PAN3: variants seen among roughly 807,000 people sequenced by gnomAD.
PAN3 encodes the protein poly(A) specific ribonuclease subunit PAN3, also known as PAN2-PAN3 deadenylation complex subunit PAN3.
Under a neutral mutation model 96.2 loss-of-function variants are expected in PAN3, and 19 were observed. The observed-to-expected ratio is 0.20, with a 90% CI of 0.14 to 0.29. PAN3 has a LOEUF of 0.29. Among genes scored for constraint, PAN3 ranks in the 10% least tolerant of loss-of-function variants. The probability of loss-of-function intolerance (pLI) is 1.00; values close to 1 mark genes in which losing one functional copy is unlikely to be tolerated. For missense variants in PAN3, 882 were observed against 1,108.1 expected (o/e 0.80, Z 2.90); for synonymous variants, 433 against 406.6 (o/e 1.06, Z -0.78).
Position 28,271,995 on chromosome 13 carries a change from G to A in PAN3, c.1973G>A (p.Cys658Tyr). The change falls in exon 14 of 19, where the codon TGT becomes TAT. Residue 658 changes from cysteine to tyrosine, a missense_variant. Transcript: ENST00000380958. The stretch of plus-strand genomic sequence containing the variant: ...GGTCCTTAAAGGTTGCGAGTAAATT[G>A]TGTTGGAGTTTTTGATGTTTTAACA... ...ITGKTRLRVN[C>Y]VGVFDVLTFD... 1 of 1,580,082 alleles carries A rather than the reference G, an allele frequency of 6.3e-7. No homozygotes were observed. Among genetic ancestry groups the A allele is most frequent in the Non-Finnish European group, 8.6e-7 (1 of 1,158,586 alleles).
Position 28,144,718 on chromosome 13 carries a change from C to CCTTTTT in PAN3, c.430+5631_430+5632insCTTTTT, listed in dbSNP as rs1555267661. The stretch of plus-strand genomic sequence containing the variant: ...TATCAAAAGCAAACCAAAACATCAT[C>CCTTTTT]TTTTTTTTTTTTTTTTTTTTTCCTC... On this transcript the variant is annotated intron_variant, in intron 1 of 18. Coordinates refer to ENST00000380958, the MANE Select transcript of PAN3 (RefSeq NM_175854.8). Among the ~76,000 whole-genome samples, 27 of 46,782 alleles carry CCTTTTT rather than the reference C, an allele frequency of 5.8e-4. 12 individuals are homozygous for CCTTTTT. Among genetic ancestry groups the CCTTTTT allele is most frequent in the Non-Finnish European group, 7.6e-4 (17 of 22,258 alleles). The allele number at this position is 46,782 out of a possible 152,430, so 30.7% of individuals were successfully genotyped here.
chr13:28,227,164 T>A (rs575416664), intron 6 of PAN3, among the ~76,000 whole-genome samples: 2 of 152,128 alleles, frequency 1.3e-5, no homozygotes, highest in Non-Finnish European at 2.9e-5. Context: ...CCCTTCTCAG[T>A]TGGGAATTTC....
chr13:28,173,981 TGAA>T (rs1874630022), intron 1 of PAN3, among the ~76,000 whole-genome samples: 2 of 152,174 alleles, frequency 1.3e-5, no homozygotes, highest in African/African-American at 4.8e-5. Flanking sequence ...GAAAACTTGA[TGAA>T]GAAACTGGAA....
At chr13:28,235,682 T>TACAC (rs143752644) in intron 6 of PAN3, among the ~76,000 whole-genome samples, 21 of 123,516 alleles carry the variant, frequency 1.7e-4, no homozygotes, top group Admixed American at 2.7e-4. Context: ...TTCTCTAATA[T>TACAC]ACACACACAC....
intron 8 of PAN3, 86 bp downstream of exon 8, chr13:28,260,637 A>G (rs981637890): frequency 1.8e-6 from 2 of 1,084,382 alleles, no homozygotes; most frequent in African/African-American, 1.6e-5. Context: ...TTTTCAAATC[A>G]TATTATTTAA....
chr13:28,186,531 A>T (rs1876491237), intron 4 of PAN3, among the ~76,000 whole-genome samples: 1 of 149,612 alleles, frequency 6.7e-6, no homozygotes, highest in Non-Finnish European at 1.5e-5. Context: ...TCTCCTATTT[A>T]TGATCTGCAA....
intron 17 of PAN3, among the ~76,000 whole-genome samples, chr13:28,283,654 A>AT (rs1868576129): frequency 6.6e-6 from 1 of 152,240 alleles, no homozygotes; most frequent in Non-Finnish European, 1.5e-5. Context: ...TGTTTAGTAT[A>AT]TGCCAAGCAC....
chr13:28,194,472 T>A (rs1024848506), intron 4 of PAN3, among the ~76,000 whole-genome samples: 3,108 of 115,656 alleles, frequency 0.027, 33 homozygotes, highest in African/African-American at 0.058. Context: ...ATATATTTTT[T>A]TTTTTTTTTT....
chr13:28,290,446 C>T (rs992288208), intron 18 of PAN3, among the ~76,000 whole-genome samples: 1 of 152,154 alleles, frequency 6.6e-6, no homozygotes, highest in Non-Finnish European at 1.5e-5. Flanking sequence ...CTTTGGGAGG[C>T]CCAGGTGCAC....
rs186393145 is a variant in PAN3, at chr13:28,263,951, G to A, written c.1411+2493G>A. 2.6e-3 allele frequency among the ~76,000 whole-genome samples: 400 copies of A among 152,128 alleles called. 1 individual carries two copies. Among genetic ancestry groups the A allele is most frequent in the African/African-American group, 8.6e-3 (356 of 41,486 alleles). On this transcript the variant is annotated intron_variant, in intron 9 of 18. Coordinates refer to ENST00000380958, the MANE Select transcript of PAN3 (RefSeq NM_175854.8). ...ACTTAGACATTTTCAAACAAACACC[G>A]CCCTATGTTTCTGACTATCCCTTCC... is the stretch of plus-strand genomic sequence containing the variant.
chr13:28,213,317 C>G (rs897027258), intron 5 of PAN3, among the ~76,000 whole-genome samples: 2 of 152,114 alleles, frequency 1.3e-5, no homozygotes, highest in Non-Finnish European at 2.9e-5. Context: ...ACTTAATTAC[C>G]TGTGGATTTT....
chr13:28,253,189 T>G (rs996982031), intron 6 of PAN3, among the ~76,000 whole-genome samples: 5 of 152,218 alleles, frequency 3.3e-5, no homozygotes, highest in Admixed American at 1.3e-4. Flanking sequence ...TTAAGAATTC[T>G]TAACTTTCAA....
At chr13:28,245,965 A>G (rs1234909988) in intron 6 of PAN3, among the ~76,000 whole-genome samples, 1 of 152,184 alleles carries the variant, frequency 6.6e-6, no homozygotes, top group East Asian at 1.9e-4. Flanking sequence ...ATTATGCATA[A>G]TGCTACTATG....
chr13:28,217,961 C>T lies in PAN3; in HGVS notation c.853-2270C>T, dbSNP rs145274895. Among the ~76,000 whole-genome samples the T allele has an allele frequency of 3.3e-3, 505 of 151,926 alleles. 2 individuals carry two copies. Among genetic ancestry groups the T allele is most frequent in the African/African-American group, 0.011 (464 of 41,482 alleles). ...CTAGATAAAACCTTTGCCTCCTACA[C>T]CTGAAAGAAATAGGTTCTTTTCTCA... On this transcript the variant is annotated intron_variant, in intron 5 of 18. Coordinates refer to ENST00000380958, the MANE Select transcript of PAN3 (RefSeq NM_175854.8).
rs1198282235 is a variant in PAN3 at position 28,138,547 on chromosome 13, C to G, written c.-111C>G. 2.4e-6 allele frequency: 1 copy of G among 413,504 alleles called. No homozygotes were observed. Among genetic ancestry groups the G allele is most frequent in the Non-Finnish European group, 4.3e-6 (1 of 234,436 alleles). The allele number at this position is 413,504 out of a possible 1,614,324, so 25.6% of individuals were successfully genotyped here. On this transcript the variant is annotated 5_prime_UTR_variant, in exon 1 of 19. Coordinates refer to ENST00000380958, the MANE Select transcript of PAN3 (RefSeq NM_175854.8). ...GGCTCCCGCAGCGGGACAGACCCAC[C>G]CGCCCAGGCTTTTATCCGGCACCGG... is the stretch of plus-strand genomic sequence containing the variant.
intron 5 of PAN3, among the ~76,000 whole-genome samples, chr13:28,204,321 A>G (rs925263700): frequency 2.6e-5 from 4 of 152,118 alleles, no homozygotes; most frequent in Admixed American, 1.3e-4. Context: ...TGAATTCAAC[A>G]TTTTCTATTT....
chr13:28,236,845 A>G (rs1455242500), intron 6 of PAN3, among the ~76,000 whole-genome samples: 1 of 152,048 alleles, frequency 6.6e-6, no homozygotes, highest in Non-Finnish European at 1.5e-5. Flanking sequence ...GACTCAAGCG[A>G]TCCTCCTGCC....
rs942010814 is a variant in PAN3, at chr13:28,294,003, T to C, written c.*1481T>C. 6.6e-6 allele frequency: 1 copy of C among 152,664 alleles called. No individual in the cohort carries two copies. Among genetic ancestry groups the C allele is most frequent in the Admixed American group, 6.5e-5 (1 of 15,290 alleles). The allele number at this position is 152,664 out of a possible 1,614,324, so 9.5% of individuals were successfully genotyped here. ...TAATAATTACACATATTTGTATATT[T>C]CAGAGAAGTTTTTAATATTTCTCTG... On this transcript the variant is annotated 3_prime_UTR_variant, in exon 19 of 19. Transcript: ENST00000380958.
At chr13:28,209,358 G>A (rs796549923) in intron 5 of PAN3, among the ~76,000 whole-genome samples, 36 of 152,286 alleles carry the variant, frequency 2.4e-4, no homozygotes, top group African/African-American at 8.4e-4. Context: ...ACACACCTGC[G>A]TGCATACGCA....
Sources: gnomAD v4.1 joint callset for allele counts (sites outside exome capture counted in the v4.1 genomes callset) on GRCh38, gnomAD v4.1.1 for gene constraint, MANE v1.5 for transcripts, NCBI Gene and HGNC (gene_info 2026-07-23, HGNC 2026-07-21) for gene names.